CCBE1: variants seen among roughly 807,000 people sequenced by gnomAD.
CCBE1 encodes the protein collagen and calcium-binding EGF domain-containing protein 1.
CCBE1 carries 37 observed loss-of-function variants against 50.0 expected under a neutral mutation model. The ratio of observed to expected loss-of-function variants is 0.74; its 90% CI spans 0.57 to 0.97. The LOEUF is 0.97. Ranked by LOEUF, CCBE1 falls within the 50% of genes least tolerant of loss-of-function variation. The pLI is 0.00. For missense variants in CCBE1, 538 were observed against 523.8 expected, an observed-to-expected ratio of 1.03 and a Z score of -0.26; for synonymous variants, 234 against 203.7, an observed-to-expected ratio of 1.15 and a Z score of -1.27.
chr18:59,589,716 G>A (rs181882684), intron 2 of CCBE1, among the ~76,000 whole-genome samples: 142 of 149,168 alleles, frequency 9.5e-4, no homozygotes, highest in African/African-American at 3.3e-3. Flanking sequence ...GGAGAATGGC[G>A]CGAACCCAGG....
chr18:59,513,141 C>T (rs1241722095), intron 2 of CCBE1, among the ~76,000 whole-genome samples: 1 of 152,082 alleles, frequency 6.6e-6, no homozygotes, highest in Non-Finnish European at 1.5e-5. Context: ...AACCCCATCT[C>T]CACTAAAAAT....
At chr18:59,449,821 A>G (rs1218645664) in intron 6 of CCBE1, among the ~76,000 whole-genome samples, 1 of 152,114 alleles carries the variant, frequency 6.6e-6, no homozygotes, top group Non-Finnish European at 1.5e-5. Context: ...GGCTCCAGAG[A>G]TGCTCCCCTA....
chr18:59,497,884 C>T (rs1290103702), intron 2 of CCBE1, among the ~76,000 whole-genome samples: 1 of 152,226 alleles, frequency 6.6e-6, no homozygotes, highest in Non-Finnish European at 1.5e-5. Context: ...CTCTGTCTGC[C>T]AGGACAAATC....
intron 2 of CCBE1, among the ~76,000 whole-genome samples, chr18:59,585,427 C>T (rs1218955893): frequency 6.6e-6 from 1 of 151,836 alleles, no homozygotes; most frequent in Non-Finnish European, 1.5e-5. Context: ...AATAAGAATC[C>T]TGTTGGGCTA....
At chr18:59,661,298 AC>A (rs2054281874) in intron 2 of CCBE1, among the ~76,000 whole-genome samples, 5 of 152,368 alleles carry the variant, frequency 3.3e-5, no homozygotes, top group Admixed American at 3.3e-4. Context: ...GACACTGTTC[AC>A]ATGCATTTGG....
intron 2 of CCBE1, among the ~76,000 whole-genome samples, chr18:59,518,147 G>A (rs187624006): frequency 1.3e-5 from 2 of 152,316 alleles, no homozygotes; most frequent in East Asian, 3.9e-4. Flanking sequence ...AGCAGGCACA[G>A]TATTCAGTCA....
At chr18:59,592,035 A>G (rs941029020) in intron 2 of CCBE1, among the ~76,000 whole-genome samples, 1 of 152,220 alleles carries the variant, frequency 6.6e-6, no homozygotes, top group Non-Finnish European at 1.5e-5. Flanking sequence ...AATGCAGTCA[A>G]AACTTTGTTT....
chr18:59,466,332 T>C (rs956216672), intron 5 of CCBE1, among the ~76,000 whole-genome samples: 1 of 151,972 alleles, frequency 6.6e-6, no homozygotes, highest in Non-Finnish European at 1.5e-5. Flanking sequence ...AAGGGGCAGT[T>C]CTCCGGTACA....
intron 2 of CCBE1, among the ~76,000 whole-genome samples, chr18:59,528,326 T>C (rs1914909991): frequency 6.6e-6 from 1 of 152,260 alleles, no homozygotes; most frequent in Non-Finnish European, 1.5e-5. Flanking sequence ...AGATCATTTA[T>C]GTTCCCACTA....
chr18:59,664,841 C>G (rs115703098), intron 2 of CCBE1, among the ~76,000 whole-genome samples: 2,432 of 152,168 alleles, frequency 0.016, 72 homozygotes, highest in African/African-American at 0.054. Flanking sequence ...TATTAATAAT[C>G]ACAATTATAA....
chr18:59,547,695 T>C (rs2144404171), intron 2 of CCBE1, among the ~76,000 whole-genome samples: 1 of 152,328 alleles, frequency 6.6e-6, no homozygotes, highest in East Asian at 1.9e-4. Flanking sequence ...CTGACAGTAC[T>C]TCTGGCTACA....
At chr18:59,686,156 G>A (rs2054650203) in intron 2 of CCBE1, 1 of 152,238 alleles carries the variant, frequency 6.6e-6, no homozygotes. Flanking sequence ...TGGAAAGCAA[G>A]GTATGTATGA....
intron 10 of CCBE1, among the ~76,000 whole-genome samples, chr18:59,436,920 C>T (rs1910184097): frequency 6.6e-6 from 1 of 152,034 alleles, no homozygotes; most frequent in South Asian, 2.1e-4. Flanking sequence ...TGCAGTGAGC[C>T]AAGATTGTGC....
intron 2 of CCBE1, among the ~76,000 whole-genome samples, chr18:59,518,972 G>T (rs1401979093): frequency 6.6e-6 from 1 of 152,166 alleles, no homozygotes; most frequent in Non-Finnish European, 1.5e-5. Flanking sequence ...GAAACCCACA[G>T]AAGTAACTTG....
intron 2 of CCBE1, among the ~76,000 whole-genome samples, chr18:59,573,145 T>C (rs2052939398): frequency 6.6e-6 from 1 of 150,854 alleles, no homozygotes; most frequent in East Asian, 2.0e-4. Context: ...ATAAGCCAGG[T>C]AAGGTGGTGC....
At chr18:59,537,202 C>G (rs535788977) in intron 2 of CCBE1, among the ~76,000 whole-genome samples, 149 of 152,194 alleles carry the variant, frequency 9.8e-4, no homozygotes, top group African/African-American at 3.5e-3. Context: ...ACTTTCTAAT[C>G]TTGTCTCTAA....
intron 2 of CCBE1, among the ~76,000 whole-genome samples, chr18:59,549,820 G>C (rs1326932160): frequency 6.6e-6 from 1 of 152,182 alleles, no homozygotes; most frequent in Non-Finnish European, 1.5e-5. Context: ...CTTCTCAATA[G>C]GCATGGGGTA....
chr18:59,639,942 T>A (rs563937230), intron 2 of CCBE1, among the ~76,000 whole-genome samples: 1 of 151,292 alleles, frequency 6.6e-6, no homozygotes, highest in African/African-American at 2.4e-5. Context: ...AACAGGGAGG[T>A]GAAAGATCTC....
In CCBE1 at chr18:59,543,110, A is replaced by G. The variant is rs558173720; in HGVS notation, c.213-62872T>C. On this transcript the variant is annotated intron_variant, in intron 2 of 10. Transcript: ENST00000439986. Reference sequence around the variant, plus strand: ...CTTGGATTGCTCTAGTTGGATCCCAATGCTTTCCATATTTTACACAAAAAG... The same window carrying G: ...CTTGGATTGCTCTAGTTGGATCCCAGTGCTTTCCATATTTTACACAAAAAG... Among the ~76,000 whole-genome samples, 38 of 152,160 alleles carry G rather than the reference A, an allele frequency of 2.5e-4. 1 individual carries two copies. In the South Asian group the frequency reaches 4.4e-3, roughly 17 times the overall value.
Sources: allele counts gnomAD v4.1 joint callset (sites outside exome capture counted in the v4.1 genomes callset), GRCh38; gene constraint gnomAD v4.1.1; transcripts MANE v1.5; gene names NCBI Gene and HGNC (gene_info 2026-07-23, HGNC 2026-07-21).